TMEM40: variants seen among roughly 807,000 people sequenced by gnomAD.
The protein encoded by TMEM40 is transmembrane protein 40.
A neutral mutation model predicts 40.8 loss-of-function variants in TMEM40; 34 were observed. The observed-to-expected ratio is 0.83, with a 90% confidence interval of 0.63 to 1.11. The LOEUF (loss-of-function observed/expected upper bound fraction) is 1.11. Among genes scored for constraint, TMEM40 ranks in the 50% least tolerant of loss-of-function variants. The pLI is 0.00. For synonymous variants in TMEM40, 106 were observed against 107.0 expected (o/e 0.99, Z 0.06); for missense variants, 296 against 280.2 (o/e 1.06, Z -0.40).
chr3:12,767,989 G>A (rs891149324), intron 1 of TMEM40, among the ~76,000 whole-genome samples: 1 of 152,190 alleles, frequency 6.6e-6, no homozygotes, highest in African/African-American at 2.4e-5. Flanking sequence ...AGAGACCACA[G>A]TGTGTCTGGA....
Position 12,737,649 on chromosome 3 carries a change from C to T in TMEM40, c.472+58G>A, listed in dbSNP as rs2061347339. The T allele has an allele frequency of 2.6e-6, 4 of 1,551,530 alleles. No homozygotes were observed. In the South Asian group the frequency reaches 4.5e-5, roughly 17 times the overall value. The stretch of plus-strand genomic sequence containing the variant: ...CTGTGCTAGGCCACCAGCTGCATTT[C>T]ACCCCTAGAAATCTAGCCAGACAGG... On this transcript the variant is annotated intron_variant, in intron 8 of 11. Coordinates refer to ENST00000314124, the MANE Select transcript of TMEM40 (RefSeq NM_018306.4).
chr3:12,763,208 G>T (rs1376456584), upstream of TMEM40, among the ~76,000 whole-genome samples: 2 of 150,658 alleles, frequency 1.3e-5, no homozygotes, highest in Non-Finnish European at 3.0e-5. Context: ...CACATAGTAG[G>T]TGCTCCAAAA....
In TMEM40 at chr3:12,734,779, C is replaced by G. The variant is rs752057963; in HGVS notation, c.697G>C (p.Asp233His). The change falls in exon 12 of 12, where the codon GAC becomes CAC. Residue 233 changes from aspartate to histidine, a missense_variant. Asp to His is a moderately conservative substitution (Grantham distance 81). Coordinates refer to ENST00000314124, the MANE Select transcript of TMEM40 (RefSeq NM_018306.4). ...KFRLTGFRKT[D>H] ...CTGCCCACCTGGAAGTGGCCTCAGT[C>G]AGTCTTCCTGAACCCTGGAAGGCAA... 8.8e-6 allele frequency: 14 copies of G among 1,599,016 alleles called. No individual in the cohort carries two copies. The African/African-American group carries it at 1.9e-4, about 21-fold the overall frequency.
rs757272476 is a variant in TMEM40 at position 12,737,689 on chromosome 3, C to T, written c.472+18G>A. ...AGCCAGACAGGAAAAAGCAGCTCTGCTACACCAAGTTCCTTACCATCTTTC... is the reference window on the plus strand; with the variant it reads ...AGCCAGACAGGAAAAAGCAGCTCTGTTACACCAAGTTCCTTACCATCTTTC... On this transcript the variant is annotated intron_variant, in intron 8 of 11. Transcript: ENST00000314124. 6.2e-7 allele frequency: 1 copy of T among 1,613,782 alleles called. No individual in the cohort carries two copies. The highest frequency in any genetic ancestry group is 8.5e-7 in the Non-Finnish European group (1 of 1,179,756).
rs965814327 is a variant in TMEM40, at chr3:12,754,260, C to T, written c.-8-4420G>A. 3.9e-4 allele frequency among the ~76,000 whole-genome samples: 60 copies of T among 152,166 alleles called. 1 individual carries two copies. The highest frequency in any genetic ancestry group is 1.3e-3 in the African/African-American group (52 of 41,506). On this transcript the variant is annotated intron_variant, in intron 1 of 11. Coordinates refer to ENST00000314124, the MANE Select transcript of TMEM40 (RefSeq NM_018306.4). ...CCGGGAGGTGGAGCTGGCAGTGAGC[C>T]GAGACCGCACCACTGCACTCCAGCC... is the stretch of plus-strand genomic sequence containing the variant.
chr3:12,745,806 T>C (rs1430819619), intron 3 of TMEM40, among the ~76,000 whole-genome samples: 1 of 152,164 alleles, frequency 6.6e-6, no homozygotes, highest in Non-Finnish European at 1.5e-5. Flanking sequence ...AAATGAAGAC[T>C]ATTTTTGTAT....
chr3:12,737,395 G>A, intron 8 of TMEM40: 1 of 409,108 alleles, frequency 2.4e-6, no homozygotes, highest in South Asian at 3.6e-5. Flanking sequence ...CTGGCCACAA[G>A]ACCTGGAAGG....
At chr3:12,764,581 C>A (rs7626609) in intron 1 of TMEM40, among the ~76,000 whole-genome samples, 1 of 152,030 alleles carries the variant, frequency 6.6e-6, no homozygotes, top group African/African-American at 2.4e-5. Context: ...AAACAGTGGC[C>A]GTAGCTGATG....
At chr3:12,742,643 G>A (rs1266027156) in intron 4 of TMEM40, 136 bp from the exon 5 acceptor site, 9 of 966,392 alleles carry the variant, frequency 9.3e-6, no homozygotes, top group Non-Finnish European at 1.4e-5. Flanking sequence ...GTCTTCAGGA[G>A]GCAAGGCAGC....
chr3:12,766,850 G>A (rs1167284270), intron 1 of TMEM40, among the ~76,000 whole-genome samples: 3 of 147,206 alleles, frequency 2.0e-5, no homozygotes, highest in African/African-American at 8.2e-5. Context: ...GCAGAGGGGG[G>A]ACCAGGACCC....
In TMEM40 at chr3:12,735,633, GA is replaced by G. The variant is rs1318497276; in HGVS notation, c.620-17del. 5 of 1,605,622 alleles carry G rather than the reference GA, an allele frequency of 3.1e-6. No homozygotes were observed. In the South Asian group the frequency reaches 5.6e-5, roughly 18 times the overall value. The stretch of plus-strand genomic sequence containing the variant: ...ATACGGTACACTGCTCAGAAGCAAA[GA>G]AAAAAGTAAGTTAAGTTTGTGCCCC... On this transcript the variant is annotated splice_polypyrimidine_tract_variant and intron_variant, in intron 10 of 11. Coordinates refer to ENST00000314124, the MANE Select transcript of TMEM40 (RefSeq NM_018306.4).
intron 1 of TMEM40, among the ~76,000 whole-genome samples, chr3:12,753,782 T>C (rs1167926347): frequency 1.3e-5 from 2 of 152,180 alleles, no homozygotes; most frequent in Non-Finnish European, 2.9e-5. Flanking sequence ...TGCTGAGTCA[T>C]GGGTGGTGCC....
At position 12,738,209 on chromosome 3, in the gene TMEM40, G is replaced by A. The variant is rs747794374; in HGVS notation, c.392-41C>T. 1.2e-5 allele frequency: 19 copies of A among 1,611,888 alleles called. No homozygotes were observed. The South Asian group carries it at 2.0e-4, about 17-fold the overall frequency. ...TCAACATTAGTGCCCAACCCCGCTTGGGGTCCTTAACAGGTGCCTCCACCC... is the reference window on the plus strand; with the variant it reads ...TCAACATTAGTGCCCAACCCCGCTTAGGGTCCTTAACAGGTGCCTCCACCC... On this transcript the variant is annotated intron_variant, in intron 6 of 11. Transcript: ENST00000314124.
chr3:12,740,614 T>C (rs2061374681), intron 5 of TMEM40, among the ~76,000 whole-genome samples: 1 of 151,210 alleles, frequency 6.6e-6, no homozygotes, highest in Non-Finnish European at 1.5e-5. Flanking sequence ...TCCCAGCACT[T>C]TGGAAGGCCG....
In TMEM40 at chr3:12,736,773, AG is replaced by A; in HGVS notation, c.534del (p.Tyr179IlefsTer28). On this transcript the variant is annotated frameshift_variant, in exon 9 of 12. Transcript: ENST00000314124. LOFTEE classifies it high-confidence loss of function. ...GGGCACCTCCCCTCACCTGCGTAAT[AG>A]TGATAACACACCAGCAAGGCCCCGA... ...FAIGALLVCY[H>X]YYADWFMSLG... is the part of the protein sequence containing the mutation. 4 of 1,614,076 alleles carry A rather than the reference AG, an allele frequency of 2.5e-6. No individual in the cohort carries two copies. Among genetic ancestry groups the A allele is most frequent in the Non-Finnish European group, 3.4e-6 (4 of 1,180,022 alleles).
At chr3:12,765,788 C>T (rs758852699) in intron 1 of TMEM40, among the ~76,000 whole-genome samples, 1 of 152,030 alleles carries the variant, frequency 6.6e-6, no homozygotes, top group Non-Finnish European at 1.5e-5. Context: ...TCAGAATGGT[C>T]TCGATCTCCT....
At chr3:12,761,283 AGAGG>A (rs545684636), upstream of TMEM40, among the ~76,000 whole-genome samples, 257 of 152,334 alleles carry the variant, frequency 1.7e-3, 1 homozygote, top group Admixed American at 3.9e-3. Flanking sequence ...GAGCCACCTG[AGAGG>A]GACATGACCA....
chr3:12,739,795 G>T (rs1384646272), intron 5 of TMEM40, among the ~76,000 whole-genome samples: 1 of 151,800 alleles, frequency 6.6e-6, no homozygotes, highest in Non-Finnish European at 1.5e-5. Flanking sequence ...TAGAATTGAT[G>T]AAATATATTC....
At chr3:12,735,682 C>A in intron 10 of TMEM40, 65 bp from the exon 11 acceptor site, 1 of 1,417,268 alleles carries the variant, frequency 7.1e-7, no homozygotes, top group African/African-American at 1.4e-5. Context: ...CAGGCCACCA[C>A]TGGACAAGGG....
Sources: gnomAD v4.1 joint callset for allele counts (sites outside exome capture counted in the v4.1 genomes callset) on GRCh38, gnomAD v4.1.1 for gene constraint, MANE v1.5 for transcripts, NCBI Gene and HGNC (gene_info 2026-07-23, HGNC 2026-07-21) for gene names.